Variants in TBC1D32 observed in about 807,000 individuals in gnomAD.
TBC1D32 encodes the protein protein broad-minded.
Under a neutral mutation model 170.3 loss-of-function variants are expected in TBC1D32, and 151 were observed. That is an observed-to-expected ratio of 0.89 (90% CI 0.78 to 1.01). The LOEUF (loss-of-function observed/expected upper bound fraction) is 1.01, where lower values mean the gene tolerates loss of function less well. Among genes scored for constraint, TBC1D32 ranks in the 50% least tolerant of loss-of-function variants. The pLI is 0.00. For missense variants in TBC1D32, 1,464 were observed against 1,457.1 expected (o/e 1.00, Z -0.08); for synonymous variants, 498 against 488.0 (o/e 1.02, Z -0.27).
intron 1 of TBC1D32, among the ~76,000 whole-genome samples, chr6:121,333,382 C>G (rs1017755424): frequency 4.6e-5 from 7 of 152,132 alleles, no homozygotes; most frequent in Non-Finnish European, 8.8e-5. Flanking sequence ...CCTCTTTTTC[C>G]TACTGCTCCC....
chr6:121,196,541 G>A (rs1286886454), intron 22 of TBC1D32, among the ~76,000 whole-genome samples: 2 of 152,142 alleles, frequency 1.3e-5, no homozygotes, highest in Non-Finnish European at 2.9e-5. Context: ...ACTACTATCC[G>A]TGGACTCATG....
At chr6:121,242,620 C>T (rs770030423) in intron 17 of TBC1D32, among the ~76,000 whole-genome samples, 2 of 152,064 alleles carry the variant, frequency 1.3e-5, no homozygotes, top group Non-Finnish European at 2.9e-5. Flanking sequence ...GTTCTCTCAT[C>T]CACACACTAA....
intron 3 of TBC1D32, among the ~76,000 whole-genome samples, 171 bp from the exon 4 acceptor site, chr6:121,311,018 T>A (rs974782081): frequency 6.6e-6 from 1 of 152,230 alleles, no homozygotes; most frequent in Non-Finnish European, 1.5e-5. Flanking sequence ...GGCTTTTAAA[T>A]GGGAACTGAA....
intron 31 of TBC1D32, among the ~76,000 whole-genome samples, chr6:121,086,391 T>C (rs941057970): frequency 6.6e-6 from 1 of 152,114 alleles, no homozygotes; most frequent in African/African-American, 2.4e-5. Context: ...ACCTTTAAAA[T>C]ATTTGCTCAG....
At chr6:121,203,707 C>T (rs1378640890) in intron 22 of TBC1D32, among the ~76,000 whole-genome samples, 2 of 151,248 alleles carry the variant, frequency 1.3e-5, no homozygotes, top group African/African-American at 2.5e-5. Context: ...CTCACACAAC[C>T]AGTAAAGAGC....
At chr6:121,240,259 C>A (rs1352793231) in intron 19 of TBC1D32, among the ~76,000 whole-genome samples, 2 of 150,348 alleles carry the variant, frequency 1.3e-5, no homozygotes, top group Non-Finnish European at 2.9e-5. Context: ...GAGATTAAAT[C>A]TAGTCTCCAA....
intron 26 of TBC1D32, among the ~76,000 whole-genome samples, chr6:121,117,808 T>A (rs1264249242): frequency 1.3e-5 from 2 of 152,212 alleles, no homozygotes; most frequent in African/African-American, 4.8e-5. Context: ...TACACAATGA[T>A]AACTTAGCAA....
chr6:121,130,976 T>C (rs1235732878), intron 25 of TBC1D32, among the ~76,000 whole-genome samples: 3 of 152,072 alleles, frequency 2.0e-5, no homozygotes, highest in Non-Finnish European at 4.4e-5. Flanking sequence ...GAACTAACAA[T>C]ATAAAAACTT....
intron 21 of TBC1D32, among the ~76,000 whole-genome samples, chr6:121,213,454 C>T (rs9375014): frequency 0.33 from 21,237 of 64,418 alleles, 2,617 homozygotes; most frequent in East Asian, 0.66. Flanking sequence ...TTCACAACTG[C>T]CACAAAAATA....
rs575337298 is a variant in TBC1D32 at position 121,134,010 on chromosome 6, T to C, written c.2774-2258A>G. Among the ~76,000 whole-genome samples, 8 of 152,212 alleles carry C rather than the reference T, an allele frequency of 5.3e-5. No individual in the cohort carries two copies. The South Asian group carries it at 1.4e-3, about 28-fold the overall frequency. ...ATTGCTAACAAAAAAGTTTTAATGT[T>C]AAATGTATCTTGACAAGAATTAGGT... On this transcript the variant is annotated intron_variant, in intron 24 of 31. Coordinates refer to ENST00000398212, the MANE Select transcript of TBC1D32 (RefSeq NM_152730.6).
intron 26 of TBC1D32, 45 bp downstream of exon 26, chr6:121,126,333 T>C (rs773275766): frequency 7.2e-7 from 1 of 1,396,400 alleles, no homozygotes; most frequent in South Asian, 1.2e-5. Context: ...AATTATCTAG[T>C]TACATACTGA....
At chr6:121,292,272 T>C in intron 11 of TBC1D32, 79 bp from the exon 12 acceptor site, 2 of 1,400,768 alleles carry the variant, frequency 1.4e-6, no homozygotes, top group South Asian at 2.9e-5. Context: ...CTTCTAGACA[T>C]TAAACAAGGC....
At chr6:121,152,320 A>G (rs1169323617) in intron 24 of TBC1D32, among the ~76,000 whole-genome samples, 1 of 152,190 alleles carries the variant, frequency 6.6e-6, no homozygotes. Flanking sequence ...AATGTTGAAC[A>G]TTGGCCTCCA....
chr6:121,091,597 C>G (rs1776806119), intron 30 of TBC1D32, among the ~76,000 whole-genome samples: 1 of 151,938 alleles, frequency 6.6e-6, no homozygotes, highest in Non-Finnish European at 1.5e-5. Flanking sequence ...ATTTTTTTTC[C>G]TGTTTATTTT....
At chr6:121,103,534 C>T (rs374715079) in intron 30 of TBC1D32, among the ~76,000 whole-genome samples, 13 of 132,898 alleles carry the variant, frequency 9.8e-5, no homozygotes, top group Middle Eastern at 5.1e-3. Flanking sequence ...AATTGAACAA[C>T]GAGAACACAT....
Position 121,080,815 on chromosome 6 carries a change from C to G in TBC1D32, c.3730G>C (p.Val1244Leu). The change falls in exon 32 of 32, where the codon GTG becomes CTG. Residue 1244 changes from valine to leucine, a missense_variant. Val to Leu is a conservative substitution (Grantham distance 32). This residue lies in a region of TBC1D32 where 97 missense variants were observed against 102.0 expected (regional missense o/e 0.95). Coordinates refer to ENST00000398212, the MANE Select transcript of TBC1D32 (RefSeq NM_152730.6). ...ATGTTCCGCATGTCTCTCAGCAGCA[C>G]TGTTCGGTAGTTTTGTTCCAAAATT... ...MEILEQNYRT[V>L]LLRDMRNIRL... 2 of 1,613,900 alleles carry G rather than the reference C, an allele frequency of 1.2e-6. No individual in the cohort carries two copies. Among genetic ancestry groups the G allele is most frequent in the Non-Finnish European group, 1.7e-6 (2 of 1,179,916 alleles).
intron 9 of TBC1D32, among the ~76,000 whole-genome samples, chr6:121,301,033 G>A (rs1048373227): frequency 2.0e-5 from 3 of 151,888 alleles, no homozygotes; most frequent in Non-Finnish European, 2.9e-5. Flanking sequence ...TAAAAGGTCA[G>A]GAAACAACGG....
chr6:121,082,250 T>C (rs1424916628), intron 31 of TBC1D32, among the ~76,000 whole-genome samples: 1 of 152,064 alleles, frequency 6.6e-6, no homozygotes, highest in Non-Finnish European at 1.5e-5. Context: ...GGAATATTTT[T>C]ATCCTATGAA....
intron 20 of TBC1D32, among the ~76,000 whole-genome samples, chr6:121,224,750 T>G (rs1035363734): frequency 6.6e-6 from 1 of 152,132 alleles, no homozygotes; most frequent in Non-Finnish European, 1.5e-5. Flanking sequence ...AAATGCAATG[T>G]TATTTAGCAC....
Sources: allele counts gnomAD v4.1 joint callset (sites outside exome capture counted in the v4.1 genomes callset), GRCh38; gene constraint gnomAD v4.1.1; regional missense constraint gnomAD v4.1.1; transcripts MANE v1.5; gene names NCBI Gene and HGNC (gene_info 2026-07-23, HGNC 2026-07-21).